The following STRADB variants were observed in gnomAD, a reference collection of about 807,000 sequenced individuals.
STRADB encodes the protein STE20 related adaptor beta.
In STRADB, 34 loss-of-function variants were observed where a neutral mutation model predicts 52.1. The ratio of observed to expected loss-of-function variants is 0.65; its 90% confidence interval spans 0.50 to 0.87. STRADB has a LOEUF of 0.87. Ranked by LOEUF, STRADB falls within the 40% of genes least tolerant of loss-of-function variation. The probability of loss-of-function intolerance (pLI) is 0.00; values close to 1 mark genes in which losing one functional copy is unlikely to be tolerated. For synonymous variants in STRADB, 133 were observed against 174.5 expected (o/e 0.76, Z 1.87); for missense variants, 340 against 483.9 (o/e 0.70, Z 2.79).
At chr2:201,478,932 G>T (rs1952525679) in intron 10 of STRADB, among the ~76,000 whole-genome samples, 1 of 151,970 alleles carries the variant, frequency 6.6e-6, no homozygotes, top group South Asian at 2.1e-4. Flanking sequence ...AAATTAGCCG[G>T]TGTGGTGGCA....
At chr2:201,460,864 C>T in intron 3 of STRADB, 1 of 214,052 alleles carries the variant, frequency 4.7e-6, no homozygotes, top group Admixed American at 4.3e-5. Flanking sequence ...GATTTCTTTT[C>T]TTTTGGATAT....
chr2:201,464,674 G>A lies in STRADB; in HGVS notation c.94-5279G>A, dbSNP rs1333482519. Reference sequence around the variant, plus strand: ...AGCCAGGCTGTGTCCTTCTCTTCAGGGCAGTGAGCTCCCCACCTGGCCCTG... The same window carrying A: ...AGCCAGGCTGTGTCCTTCTCTTCAGAGCAGTGAGCTCCCCACCTGGCCCTG... On this transcript the variant is annotated intron_variant, in intron 3 of 11. Transcript: ENST00000194530. 1.4e-4 allele frequency among the ~76,000 whole-genome samples: 21 copies of A among 152,158 alleles called. 1 individual carries two copies. Among genetic ancestry groups the A allele is most frequent in the Admixed American group, 1.4e-3 (21 of 15,278 alleles).
At chr2:201,463,153 T>C (rs1460648231) in intron 3 of STRADB, among the ~76,000 whole-genome samples, 1 of 152,116 alleles carries the variant, frequency 6.6e-6, no homozygotes, top group Admixed American at 6.5e-5. Flanking sequence ...CTGGCTAACA[T>C]GGTGAAACCC....
intron 10 of STRADB, 108 bp downstream of exon 10, chr2:201,478,709 T>A: frequency 7.9e-7 from 1 of 1,260,556 alleles, no homozygotes; most frequent in Non-Finnish European, 1.1e-6. Flanking sequence ...ATCAAAATAT[T>A]GTCTGCTCTA....
At chr2:201,475,368 C>A (rs1219447526) in intron 6 of STRADB, among the ~76,000 whole-genome samples, 1 of 151,942 alleles carries the variant, frequency 6.6e-6, no homozygotes, top group Non-Finnish European at 1.5e-5. Flanking sequence ...TATATATACA[C>A]ACAGAATGTA....
At chr2:201,471,082 G>A (rs1233772958) in intron 4 of STRADB, among the ~76,000 whole-genome samples, 5 of 152,176 alleles carry the variant, frequency 3.3e-5, no homozygotes, top group African/African-American at 4.8e-5. Flanking sequence ...AGCATAGGTC[G>A]CATGCCAGGG....
At chr2:201,462,167 T>A (rs904856623) in intron 3 of STRADB, among the ~76,000 whole-genome samples, 5 of 152,200 alleles carry the variant, frequency 3.3e-5, no homozygotes, top group Admixed American at 3.3e-4. Context: ...CTTCCATGTC[T>A]CTTTTTATAA....
intron 3 of STRADB, among the ~76,000 whole-genome samples, chr2:201,461,815 G>A (rs956747310): frequency 6.6e-6 from 1 of 152,100 alleles, no homozygotes; most frequent in Non-Finnish European, 1.5e-5. Context: ...ATAGTTTGAG[G>A]TCTTAGATTT....
chr2:201,468,080 T>TTTTTTC (rs1952331010), intron 3 of STRADB, among the ~76,000 whole-genome samples: 1 of 97,410 alleles, frequency 1.0e-5, no homozygotes. Context: ...CTGCCTTTTT[T>TTTTTTC]TTTTCTTTTT....
intron 3 of STRADB, among the ~76,000 whole-genome samples, chr2:201,461,032 T>C (rs1237928943): frequency 6.6e-6 from 1 of 151,980 alleles, no homozygotes; most frequent in Non-Finnish European, 1.5e-5. Context: ...TCACCAGCAT[T>C]TGTTATTGCC....
At chr2:201,455,559 A>G (rs1455490014) in intron 2 of STRADB, among the ~76,000 whole-genome samples, 1 of 152,144 alleles carries the variant, frequency 6.6e-6, no homozygotes, top group Non-Finnish European at 1.5e-5. Context: ...ATAAAATATT[A>G]GCCAGACGTA....
intron 2 of STRADB, among the ~76,000 whole-genome samples, chr2:201,456,944 T>C (rs966725646): frequency 6.6e-6 from 1 of 152,236 alleles, no homozygotes; most frequent in Non-Finnish European, 1.5e-5. Context: ...GGAAGCTCAT[T>C]AGAGACTTGG....
intron 4 of STRADB, among the ~76,000 whole-genome samples, chr2:201,471,129 T>C (rs1952382359): frequency 6.6e-6 from 1 of 152,222 alleles, no homozygotes; most frequent in African/African-American, 2.4e-5. Context: ...TCTGACCTTT[T>C]TGAAATAACA....
chr2:201,464,973 G>A lies in STRADB; in HGVS notation c.94-4980G>A, dbSNP rs553623700. Among the ~76,000 whole-genome samples, 22 of 152,122 alleles carry A rather than the reference G, an allele frequency of 1.4e-4. No homozygotes were observed. In the South Asian group the frequency reaches 3.3e-3, roughly 23 times the overall value. On this transcript the variant is annotated intron_variant, in intron 3 of 11. Transcript: ENST00000194530. ...CTTGTGGTGAATATTGCCAGGCCTG[G>A]GTTTCTCCCTTCAGGGCAGTGGGCT...
chr2:201,457,336 G>A (rs1286596219), intron 2 of STRADB: 1 of 152,150 alleles, frequency 6.6e-6, no homozygotes, highest in Non-Finnish European at 1.5e-5. Flanking sequence ...ACAGTAATAA[G>A]TATCTTCAAA....
rs780534415 is a variant in STRADB at position 201,474,697 on chromosome 2, T to C, written c.366T>C (p.Tyr122=). Residue 122 remains tyrosine, a synonymous_variant, in exon 6 of 12, where the codon TAT becomes TAC. Coordinates refer to ENST00000194530, the MANE Select transcript of STRADB (RefSeq NM_018571.6). ...HFFRHPNITT[Y]WTVFTVGSWL... ...TCCGGCATCCCAATATTACAACTTA[T>C]TGGACAGTTTTCACTGTTGGCAGCT... The C allele has an allele frequency of 3.7e-6, 6 of 1,612,466 alleles. No individual in the cohort carries two copies. The highest frequency in any genetic ancestry group is 2.2e-5 in the East Asian group (1 of 44,786).
intron 3 of STRADB, among the ~76,000 whole-genome samples, chr2:201,469,253 G>T (rs936870850): frequency 2.0e-5 from 3 of 152,142 alleles, no homozygotes; most frequent in Non-Finnish European, 2.9e-5. Flanking sequence ...CTTTGGAGTA[G>T]TTATGTCCAT....
At chr2:201,476,833 T>C (rs1952480090) in intron 7 of STRADB, among the ~76,000 whole-genome samples, 1 of 148,334 alleles carries the variant, frequency 6.7e-6, no homozygotes, top group Admixed American at 6.7e-5. Context: ...AAAAAAAAAA[T>C]TAGCCAGGTG....
At chr2:201,472,600 G>C (rs1252707271) in intron 4 of STRADB, among the ~76,000 whole-genome samples, 1 of 152,184 alleles carries the variant, frequency 6.6e-6, no homozygotes, top group Non-Finnish European at 1.5e-5. Context: ...TTGCCGAGTA[G>C]CATTCCATTG....
Sources: allele counts gnomAD v4.1 joint callset (sites outside exome capture counted in the v4.1 genomes callset), GRCh38; gene constraint gnomAD v4.1.1; transcripts MANE v1.5; gene names NCBI Gene and HGNC (gene_info 2026-07-23, HGNC 2026-07-21).